Variants in PRKN observed in about 807,000 individuals in gnomAD.
The protein encoded by PRKN is E3 ubiquitin-protein ligase parkin.
PRKN carries 56 observed loss-of-function variants against 59.5 expected under a neutral mutation model. The observed-to-expected ratio is 0.94, with a 90% confidence interval of 0.76 to 1.18. PRKN has a LOEUF of 1.18. Among genes scored for constraint, PRKN ranks in the 50% most tolerant of loss-of-function variants. The pLI is 0.00. For synonymous variants in PRKN, 250 were observed against 222.1 expected (o/e 1.13, Z -1.12); for missense variants, 657 against 596.4 (o/e 1.10, Z -1.06).
intron 7 of PRKN, among the ~76,000 whole-genome samples, chr6:161,574,024 A>G (rs1024506316): frequency 6.6e-6 from 1 of 151,832 alleles, no homozygotes; most frequent in Non-Finnish European, 1.5e-5. Flanking sequence ...TTAACAGAAG[A>G]CTAGATAATT....
intron 2 of PRKN, among the ~76,000 whole-genome samples, chr6:162,332,957 T>C (rs1472269967): frequency 6.6e-6 from 1 of 152,212 alleles, no homozygotes; most frequent in Non-Finnish European, 1.5e-5. Context: ...CCAAATATTT[T>C]ACCCTGCACA....
chr6:162,708,222 A>C (rs1778404369), intron 1 of PRKN, among the ~76,000 whole-genome samples: 1 of 152,210 alleles, frequency 6.6e-6, no homozygotes, highest in Non-Finnish European at 1.5e-5. Flanking sequence ...TGCCCCAAGA[A>C]AACTGAATGA....
intron 9 of PRKN, among the ~76,000 whole-genome samples, chr6:161,531,209 G>A (rs1048941824): frequency 6.6e-5 from 10 of 151,756 alleles, no homozygotes; most frequent in Middle Eastern, 6.8e-3. Context: ...GTGAAACCCC[G>A]TCTCTACTAA....
At chr6:162,114,813 T>G (rs1208964068) in intron 4 of PRKN, among the ~76,000 whole-genome samples, 1 of 151,944 alleles carries the variant, frequency 6.6e-6, no homozygotes, top group African/African-American at 2.4e-5. Flanking sequence ...TCACACCAGT[T>G]AGAACGGCAA....
At chr6:162,548,947 T>C (rs376229050) in intron 1 of PRKN, among the ~76,000 whole-genome samples, 30 of 152,234 alleles carry the variant, frequency 2.0e-4, no homozygotes, top group African/African-American at 6.3e-4. Flanking sequence ...AGGTGGGAAT[T>C]CTTGGTCCTT....
chr6:161,853,188 T>G (rs562965285), intron 6 of PRKN, among the ~76,000 whole-genome samples: 2 of 152,220 alleles, frequency 1.3e-5, no homozygotes, highest in Non-Finnish European at 2.9e-5. Flanking sequence ...GTGAGATTTA[T>G]GGGCTCTGAT....
At position 161,428,874 on chromosome 6, in the gene PRKN, C is replaced by T. The variant is rs972888519; in HGVS notation, c.1084-41997G>A. ...CCACCCTGCCAGTGTTTCAAGCAGG[C>T]CTCTATCATGTGCTGACCTATGGCT... is the stretch of plus-strand genomic sequence containing the variant. On this transcript the variant is annotated intron_variant, in intron 9 of 11. Transcript: ENST00000366898. This position sits in a 1 kb window ranked among gnomAD's most constrained non-coding sequence, Gnocchi z 4.0. Among the ~76,000 whole-genome samples, 12 of 152,196 alleles carry T rather than the reference C, an allele frequency of 7.9e-5. No individual in the cohort carries two copies. Among genetic ancestry groups the T allele is most frequent in the African/African-American group, 2.9e-4 (12 of 41,448 alleles).
chr6:161,409,037 C>T lies in PRKN; in HGVS notation c.1084-22160G>A, dbSNP rs753490681. On this transcript the variant is annotated intron_variant, in intron 9 of 11. Coordinates refer to ENST00000366898, the MANE Select transcript of PRKN (RefSeq NM_004562.3). The surrounding 1 kb of genome is among the most constrained non-coding windows in gnomAD (Gnocchi z 4.6). ...CTCAGCTCACTGCAACCTCTGCCTC[C>T]TGGGTTCAAGCGATTCTCCTGCCTC... Among the ~76,000 whole-genome samples the T allele has an allele frequency of 6.6e-5, 10 of 152,118 alleles. No individual in the cohort carries two copies. The highest frequency in any genetic ancestry group is 1.2e-4 in the Non-Finnish European group (8 of 68,032).
At chr6:162,366,397 A>G (rs1397512200) in intron 2 of PRKN, among the ~76,000 whole-genome samples, 1 of 152,250 alleles carries the variant, frequency 6.6e-6, no homozygotes, top group African/African-American at 2.4e-5. Context: ...TGGCATAATA[A>G]GAACTATTAT....
intron 6 of PRKN, among the ~76,000 whole-genome samples, chr6:161,856,487 T>C (rs1227004608): frequency 6.6e-6 from 1 of 152,210 alleles, no homozygotes; most frequent in African/African-American, 2.4e-5. Flanking sequence ...TTTTGAATCC[T>C]TCATATAAAT....
At chr6:162,293,402 A>C (rs895316049) in intron 2 of PRKN, among the ~76,000 whole-genome samples, 3 of 152,252 alleles carry the variant, frequency 2.0e-5, no homozygotes, top group African/African-American at 7.2e-5. Flanking sequence ...TAGAAAACAC[A>C]GATTTGGAAT....
At chr6:162,334,490 AGT>A (rs1166957447) in intron 2 of PRKN, among the ~76,000 whole-genome samples, 2 of 152,190 alleles carry the variant, frequency 1.3e-5, no homozygotes, top group Admixed American at 6.5e-5. Context: ...ATCTGTTTAC[AGT>A]GTGTTTTACC....
intron 2 of PRKN, among the ~76,000 whole-genome samples, chr6:162,436,269 A>G (rs1789766539): frequency 6.6e-6 from 1 of 151,902 alleles, no homozygotes; most frequent in South Asian, 2.1e-4. Context: ...TGAAGCCATT[A>G]CATCCCTAAA....
intron 4 of PRKN, among the ~76,000 whole-genome samples, chr6:162,182,449 T>C (rs1209631058): frequency 6.6e-6 from 1 of 152,178 alleles, no homozygotes. Context: ...AGCCTGTCTA[T>C]GGAACTGGGC....
intron 1 of PRKN, among the ~76,000 whole-genome samples, chr6:162,611,626 A>G (rs1782155586): frequency 6.6e-6 from 1 of 152,184 alleles, no homozygotes; most frequent in South Asian, 2.1e-4. Flanking sequence ...CATTTACAAG[A>G]AAAGTGCCAG....
At chr6:162,381,100 C>A (rs1786461031) in intron 2 of PRKN, among the ~76,000 whole-genome samples, 1 of 152,146 alleles carries the variant, frequency 6.6e-6, no homozygotes. Flanking sequence ...ACACCTGCAT[C>A]TTTGATTCCC....
intron 1 of PRKN, among the ~76,000 whole-genome samples, chr6:162,576,453 G>A (rs571813965): frequency 3.3e-5 from 5 of 152,304 alleles, no homozygotes; most frequent in African/African-American, 1.2e-4. Context: ...ATTACCCAGT[G>A]TTGAACATTC....
chr6:162,587,991 C>A (rs1024284109), intron 1 of PRKN, among the ~76,000 whole-genome samples: 1 of 149,076 alleles, frequency 6.7e-6, no homozygotes, highest in Non-Finnish European at 1.5e-5. Flanking sequence ...CATAACCATA[C>A]TTGAACTAAG....
At chr6:162,249,706 T>C (rs904900879) in intron 3 of PRKN, among the ~76,000 whole-genome samples, 1 of 152,160 alleles carries the variant, frequency 6.6e-6, no homozygotes, top group Non-Finnish European at 1.5e-5. Flanking sequence ...TCAAATTATA[T>C]GGCTATAGAT....
Sources: gnomAD v4.1 joint callset for allele counts (sites outside exome capture counted in the v4.1 genomes callset) on GRCh38, gnomAD v4.1.1 for gene constraint, Gnocchi (gnomAD v3.1) non-coding constraint, MANE v1.5 for transcripts, NCBI Gene and HGNC (gene_info 2026-07-23, HGNC 2026-07-21) for gene names.